Variants in TOX observed in about 807,000 individuals in gnomAD.
The protein encoded by TOX is thymocyte selection-associated high mobility group box protein TOX.
Under a neutral mutation model 53.7 loss-of-function variants are expected in TOX, and 11 were observed. The observed-to-expected ratio is 0.20, with a 90% confidence interval of 0.13 to 0.34. The LOEUF (loss-of-function observed/expected upper bound fraction) is 0.34. Ranked by LOEUF, TOX falls within the 10% of genes least tolerant of loss-of-function variation. TOX has a pLI of 1.00. For missense variants in TOX, 570 were observed against 664.6 expected (o/e 0.86, Z 1.56); for synonymous variants, 225 against 245.3 (o/e 0.92, Z 0.77).
chr8:58,953,717 T>A (rs899466119), intron 2 of TOX, among the ~76,000 whole-genome samples: 1 of 152,228 alleles, frequency 6.6e-6, no homozygotes, highest in Non-Finnish European at 1.5e-5. Flanking sequence ...ATCATTCTAT[T>A]GGGTCAATGG....
chr8:58,919,060 A>T (rs1394290756), intron 3 of TOX, among the ~76,000 whole-genome samples: 2 of 147,322 alleles, frequency 1.4e-5, no homozygotes, highest in African/African-American at 2.5e-5. Flanking sequence ...AAAAGAGGAC[A>T]CAAACAAATG....
chr8:59,119,069 A>G lies in TOX; in HGVS notation c.-82T>C. On this transcript the variant is annotated 5_prime_UTR_variant, in exon 1 of 9. Transcript: ENST00000361421. The stretch of plus-strand genomic sequence containing the variant: ...AGCAAAACAAGCTTAGACGGAACAG[A>G]GTGAGGTGTCTGGGCTCAGGAGTAA... 1.1e-6 allele frequency: 1 copy of G among 905,030 alleles called. No individual in the cohort carries two copies. Among genetic ancestry groups the G allele is most frequent in the Middle Eastern group, 2.2e-4 (1 of 4,636 alleles). 56.1% of individuals were successfully genotyped at this position (905,030 alleles called of 1,614,324 possible). A position where few individuals can be genotyped will look rare whatever the true frequency, so the allele number is the denominator to read the frequency against.
chr8:59,079,966 C>T (rs1804370614), intron 1 of TOX, among the ~76,000 whole-genome samples: 1 of 150,378 alleles, frequency 6.6e-6, no homozygotes, highest in African/African-American at 2.5e-5. Flanking sequence ...GGGCCTGTAG[C>T]CCCTTTCTGT....
At chr8:59,079,617 C>T (rs1030336503) in intron 1 of TOX, among the ~76,000 whole-genome samples, 1 of 152,216 alleles carries the variant, frequency 6.6e-6, no homozygotes, top group African/African-American at 2.4e-5. Flanking sequence ...TGGTACCCTC[C>T]ACCTAGATTT....
intron 1 of TOX, among the ~76,000 whole-genome samples, chr8:59,032,578 T>C (rs543901716): frequency 1.3e-5 from 2 of 152,308 alleles, no homozygotes; most frequent in South Asian, 4.1e-4. Context: ...GCCCTTTCTT[T>C]AATAATAATG....
intron 1 of TOX, among the ~76,000 whole-genome samples, chr8:59,086,743 T>A (rs1335605624): frequency 2.6e-5 from 4 of 152,226 alleles, no homozygotes; most frequent in African/African-American, 9.6e-5. Context: ...GCTTGATAGC[T>A]TCGTAATAAA....
At chr8:58,811,319 C>T (rs1422529719) in intron 7 of TOX, among the ~76,000 whole-genome samples, 1 of 152,022 alleles carries the variant, frequency 6.6e-6, no homozygotes, top group Non-Finnish European at 1.5e-5. Flanking sequence ...TTGTAGCATG[C>T]CTGGAATTTT....
chr8:58,987,123 G>A (rs753430076), intron 1 of TOX, among the ~76,000 whole-genome samples: 1 of 152,226 alleles, frequency 6.6e-6, no homozygotes, highest in South Asian at 2.1e-4. Context: ...TCCAGTTAGT[G>A]CCTAAGGCAG....
In TOX at chr8:58,851,356, C is replaced by T. The variant is rs1414713993; in HGVS notation, c.693+168G>A. On this transcript the variant is annotated intron_variant, in intron 4 of 8. Coordinates refer to ENST00000361421, the MANE Select transcript of TOX (RefSeq NM_014729.3). This position sits in a 1 kb window ranked among gnomAD's most constrained non-coding sequence, Gnocchi z 4.4. ...TCAGGGGCTTTAAAGTGTAATTGGA[C>T]AAGCAGGTGGTTTAATCCAGTATGT... Among the ~76,000 whole-genome samples the T allele has an allele frequency of 2.0e-5, 3 of 152,090 alleles. No individual in the cohort carries two copies. The highest frequency in any genetic ancestry group is 4.4e-5 in the Non-Finnish European group (3 of 68,020).
chr8:58,862,861 C>T (rs1268976102), intron 3 of TOX, among the ~76,000 whole-genome samples: 1 of 152,086 alleles, frequency 6.6e-6, no homozygotes, highest in Non-Finnish European at 1.5e-5. Flanking sequence ...ATTACAGAGG[C>T]ACACATGTTC....
chr8:58,909,341 C>A (rs1032724165), intron 3 of TOX, among the ~76,000 whole-genome samples: 2 of 151,906 alleles, frequency 1.3e-5, no homozygotes, highest in Non-Finnish European at 2.9e-5. Context: ...CACATGTATA[C>A]CAGAACTTAA....
chr8:58,919,131 C>G lies in TOX; in HGVS notation c.411+20171G>C, dbSNP rs533423348. Among the ~76,000 whole-genome samples, 47 of 151,628 alleles carry G rather than the reference C, an allele frequency of 3.1e-4. No homozygotes were observed. The East Asian group carries it at 8.6e-3, about 28-fold the overall frequency. ...ATATTGTGAAAATGGCCATGCTGCC[C>G]AAGGTAATTTACAGATTCAATGCCA... On this transcript the variant is annotated intron_variant, in intron 3 of 8. Transcript: ENST00000361421.
intron 1 of TOX, among the ~76,000 whole-genome samples, chr8:59,116,392 C>T (rs982477377): frequency 1.3e-5 from 2 of 152,202 alleles, no homozygotes; most frequent in Non-Finnish European, 2.9e-5. Context: ...TCTTACTTCA[C>T]CTTTTCCAAA....
chr8:58,939,922 G>T (rs1468192192), intron 2 of TOX, among the ~76,000 whole-genome samples: 2 of 152,186 alleles, frequency 1.3e-5, no homozygotes, highest in African/African-American at 4.8e-5. Context: ...GTTTCACGGG[G>T]CTCCCTACTG....
At chr8:59,083,752 G>C (rs184972102) in intron 1 of TOX, among the ~76,000 whole-genome samples, 4 of 152,070 alleles carry the variant, frequency 2.6e-5, no homozygotes, top group South Asian at 4.1e-4. Flanking sequence ...TAATGACCAC[G>C]GGAGAGAGAA....
chr8:58,963,136 T>C (rs1301139387), intron 1 of TOX, among the ~76,000 whole-genome samples: 1 of 152,190 alleles, frequency 6.6e-6, no homozygotes, highest in Non-Finnish European at 1.5e-5. Context: ...GAAATAACAT[T>C]GGCTCTTGTT....
chr8:59,066,009 C>CA (rs1804087448), intron 1 of TOX, among the ~76,000 whole-genome samples: 1 of 152,082 alleles, frequency 6.6e-6, no homozygotes, highest in African/African-American at 2.4e-5. Context: ...AAAAGATGTC[C>CA]AAATTGGTAA....
intron 1 of TOX, among the ~76,000 whole-genome samples, chr8:59,112,183 C>T (rs752674037): frequency 9.2e-5 from 14 of 152,178 alleles, no homozygotes; most frequent in Non-Finnish European, 1.8e-4. Flanking sequence ...GCACCGTCAA[C>T]ATCGAAGCAC....
At chr8:59,104,618 A>C (rs1159545789) in intron 1 of TOX, among the ~76,000 whole-genome samples, 1 of 152,242 alleles carries the variant, frequency 6.6e-6, no homozygotes, top group Non-Finnish European at 1.5e-5. Flanking sequence ...TAGGTCAAGA[A>C]GTATGCTTGC....
Sources: gnomAD v4.1 joint callset for allele counts (sites outside exome capture counted in the v4.1 genomes callset) on GRCh38, gnomAD v4.1.1 for gene constraint, Gnocchi (gnomAD v3.1) non-coding constraint, MANE v1.5 for transcripts, NCBI Gene and HGNC (gene_info 2026-07-23, HGNC 2026-07-21) for gene names.